Variants in PREPL observed in about 807,000 individuals in gnomAD.
PREPL encodes the protein prolyl endopeptidase-like.
PREPL carries 77 observed loss-of-function variants against 70.6 expected under a neutral mutation model. The observed-to-expected ratio is 1.09, with a 90% CI of 0.91 to 1.32. PREPL has a LOEUF of 1.32. Ranked by LOEUF, PREPL falls within the 40% of genes most tolerant of loss-of-function variation. The pLI is 0.00. For missense variants in PREPL, 1,002 were observed against 778.2 expected, an observed-to-expected ratio of 1.29 and a Z score of -3.42; for synonymous variants, 315 against 264.8, an observed-to-expected ratio of 1.19 and a Z score of -1.84.
In PREPL at chr2:44,346,363, C is replaced by T. The variant is rs1384182580; in HGVS notation, c.-21G>A. ...TCCATGTTTTCTGGAAGGGGTTTTT[C>T]GTTTTCTTGTTTAACAGGCTGAAGA... On this transcript the variant is annotated 5_prime_UTR_variant, in exon 2 of 14. Transcript: ENST00000409411. 3.7e-6 allele frequency: 6 copies of T among 1,612,322 alleles called. No homozygotes were observed. The highest frequency in any genetic ancestry group is 4.2e-6 in the Non-Finnish European group (5 of 1,179,342).
intron 8 of PREPL, among the ~76,000 whole-genome samples, chr2:44,330,425 T>C (rs529581509): frequency 6.6e-6 from 1 of 152,338 alleles, no homozygotes; most frequent in South Asian, 2.1e-4. Flanking sequence ...AACATTTTGA[T>C]AGACTAGTCT....
chr2:44,319,297 T>G lies in PREPL; in HGVS notation c.*2059A>C, dbSNP rs757819941. On this transcript the variant is annotated 3_prime_UTR_variant, in exon 14 of 14. Coordinates refer to ENST00000409411, the MANE Select transcript of PREPL (RefSeq NM_001171613.2). ...ATCACTGATTTGGCAACAGCTCTTA[T>G]GAAGAATAATTTGGCATTATGTATC... The G allele has an allele frequency of 6.6e-6, 1 of 152,654 alleles. No individual in the cohort carries two copies. The highest frequency in any genetic ancestry group is 2.4e-5 in the African/African-American group (1 of 41,466). The allele number at this position is 152,654 out of a possible 1,614,324, so 9.5% of individuals were successfully genotyped here.
intron 3 of PREPL, among the ~76,000 whole-genome samples, chr2:44,344,163 CTA>C (rs1418143886): frequency 3.3e-5 from 5 of 152,066 alleles, no homozygotes; most frequent in African/African-American, 9.7e-5. Context: ...GTGCATCAAC[CTA>C]TGAGACATTA....
chr2:44,320,684 G>C lies in PREPL; in HGVS notation c.*672C>G. On this transcript the variant is annotated 3_prime_UTR_variant, in exon 14 of 14. Transcript: ENST00000409411. The stretch of plus-strand genomic sequence containing the variant: ...AAGACACTGGCATTTCAGTGGGATT[G>C]TAAGCATTTGTAATAGCTTCATGTA... The C allele has an allele frequency of 2.8e-6, 4 of 1,415,926 alleles. No individual in the cohort carries two copies. Among genetic ancestry groups the C allele is most frequent in the Non-Finnish European group, 4.0e-6 (4 of 1,000,090 alleles). The allele number at this position is 1,415,926 out of a possible 1,614,324, so 87.7% of individuals were successfully genotyped here.
At chr2:44,343,404 C>G (rs1461186447) in intron 4 of PREPL, among the ~76,000 whole-genome samples, 2 of 152,064 alleles carry the variant, frequency 1.3e-5, no homozygotes, top group Non-Finnish European at 2.9e-5. Context: ...AAAATACATT[C>G]AAGCTTAAAG....
At chr2:44,333,683 TA>T (rs1330443865) in intron 7 of PREPL, among the ~76,000 whole-genome samples, 1 of 152,208 alleles carries the variant, frequency 6.6e-6, no homozygotes, top group Non-Finnish European at 1.5e-5. Flanking sequence ...CTGCAATCTC[TA>T]AAAGCTCCTA....
rs376256364 is a variant in PREPL at position 44,320,417 on chromosome 2, G to T, written c.*939C>A. 6.2e-7 allele frequency: 1 copy of T among 1,613,824 alleles called. No homozygotes were observed. The highest frequency in any genetic ancestry group is 1.3e-5 in the African/African-American group (1 of 74,882). Reference sequence around the variant, plus strand: ...TGTTAAATCTACATAATATGATTTCGGGCCTTCCCGCTAAAATGAGAATAA... The same window carrying T: ...TGTTAAATCTACATAATATGATTTCTGGCCTTCCCGCTAAAATGAGAATAA... On this transcript the variant is annotated 3_prime_UTR_variant, in exon 14 of 14. Transcript: ENST00000409411.
Position 44,338,383 on chromosome 2 carries a change from C to CA in PREPL, c.855dup (p.Gly286TrpfsTer4). ...GACCGAACTGAATCATCAGCCAGAC[C>CA]AATCACATTAACATAAAGGAGATTG... is the stretch of plus-strand genomic sequence containing the variant. On this transcript the variant is annotated frameshift_variant, in exon 7 of 14. Transcript: ENST00000409411. LOFTEE classifies it high-confidence loss of function. The CA allele has an allele frequency of 6.2e-7, 1 of 1,612,682 alleles. No homozygotes were observed. The highest frequency in any genetic ancestry group is 8.5e-7 in the Non-Finnish European group (1 of 1,179,702).
At position 44,318,275 on chromosome 2, in the gene PREPL, A is replaced by T; in HGVS notation, c.*3081T>A. 3.5e-6 allele frequency: 1 copy of T among 285,066 alleles called. No individual in the cohort carries two copies. The allele number at this position is 285,066 out of a possible 1,614,324, so 17.7% of individuals were successfully genotyped here. On this transcript the variant is annotated 3_prime_UTR_variant, in exon 14 of 14. Transcript: ENST00000409411. ...CCGGGTAATTTCTGTATTTTTTAGTAGAGATGGTGTTTCACCATGTTGGCC... is the reference window on the plus strand; with the variant it reads ...CCGGGTAATTTCTGTATTTTTTAGTTGAGATGGTGTTTCACCATGTTGGCC...
intron 8 of PREPL, 30 bp from the exon 9 acceptor site, chr2:44,329,142 A>G (rs1445690961): frequency 6.5e-7 from 1 of 1,529,946 alleles, no homozygotes; most frequent in South Asian, 1.2e-5. Flanking sequence ...ATGTATGTAA[A>G]GAAGAGTCTT....
chr2:44,353,753 T>C (rs1205308633), intron 1 of PREPL, among the ~76,000 whole-genome samples: 1 of 151,990 alleles, frequency 6.6e-6, no homozygotes, highest in Non-Finnish European at 1.5e-5. Context: ...ACCAAGACAA[T>C]TCAATGGAAA....
rs777438985 is a variant in PREPL at position 44,326,759 on chromosome 2, C to T, written c.1432G>A (p.Ala478Thr). The T allele has an allele frequency of 1.2e-6, 2 of 1,614,142 alleles. No homozygotes were observed. Among genetic ancestry groups the T allele is most frequent in the East Asian group, 2.2e-5 (1 of 44,886 alleles). ...AGCTCTGGATTAGAATTACACAATG[C>T]TCCTGCAAGCACCCCTCCAGCACTG... is the stretch of plus-strand genomic sequence containing the variant. ...AFSAGGVLAG[A>T]LCNSNPELVR... Residue 478 changes from alanine (A) to threonine (T), a missense_variant, in exon 10 of 14, where the codon GCA becomes ACA. Transcript: ENST00000409411.
At chr2:44,342,372 G>A (rs760845212) in intron 5 of PREPL, 45 bp downstream of exon 5, 1 of 1,507,884 alleles carries the variant, frequency 6.6e-7, no homozygotes. Context: ...TAAATAACTG[G>A]AGGAAGGTTC....
rs758837898 is a variant in PREPL at position 44,320,263 on chromosome 2, A to G, written c.*1093T>C. The G allele has an allele frequency of 1.9e-6, 3 of 1,614,022 alleles. No individual in the cohort carries two copies. Among genetic ancestry groups the G allele is most frequent in the East Asian group, 4.5e-5 (2 of 44,898 alleles). The stretch of plus-strand genomic sequence containing the variant: ...CAAGATTTAAGTCTACTTCATGCCA[A>G]TGAGCTACTCCTCAACAGGGGCTGG... On this transcript the variant is annotated 3_prime_UTR_variant, in exon 14 of 14. Transcript: ENST00000409411.
chr2:44,333,101 G>T (rs1674287367), intron 7 of PREPL, among the ~76,000 whole-genome samples: 1 of 152,146 alleles, frequency 6.6e-6, no homozygotes, highest in South Asian at 2.1e-4. Flanking sequence ...TTACCCTGCT[G>T]CCTGGACAGC....
chr2:44,336,889 T>C (rs1329429815), intron 7 of PREPL, among the ~76,000 whole-genome samples: 1 of 152,060 alleles, frequency 6.6e-6, no homozygotes, highest in Non-Finnish European at 1.5e-5. Context: ...AGCTGGAGAT[T>C]TCAGTTATTT....
At chr2:44,329,137 T>G (rs758748479) in intron 8 of PREPL, 25 bp from the exon 9 acceptor site, 1 of 1,540,380 alleles carries the variant, frequency 6.5e-7, no homozygotes, top group East Asian at 2.2e-5. Flanking sequence ...TTACTATGTA[T>G]GTAAAGAAGA....
chr2:44,355,020 G>A (rs1286039206), intron 1 of PREPL, among the ~76,000 whole-genome samples: 2 of 152,180 alleles, frequency 1.3e-5, no homozygotes, highest in Non-Finnish European at 2.9e-5. Flanking sequence ...TCAGTTTACA[G>A]GGGAACAACA....
intron 1 of PREPL, among the ~76,000 whole-genome samples, chr2:44,346,635 A>G (rs975313740): frequency 2.6e-5 from 4 of 152,188 alleles, no homozygotes; most frequent in Admixed American, 6.5e-5. Context: ...TTTTAGATGA[A>G]TAAGTCCTTA....
Sources: gnomAD v4.1 joint callset for allele counts (sites outside exome capture counted in the v4.1 genomes callset) on GRCh38, gnomAD v4.1.1 for gene constraint, MANE v1.5 for transcripts, NCBI Gene and HGNC (gene_info 2026-07-23, HGNC 2026-07-21) for gene names.